The following DOP1B variants were observed in gnomAD, a reference collection of about 807,000 sequenced individuals.
DOP1B encodes protein DOP1B.
In DOP1B, 174 loss-of-function variants were observed where a neutral mutation model predicts 233.5. That is an observed-to-expected ratio of 0.75 (90% CI 0.66 to 0.85). DOP1B has a LOEUF of 0.85. Among genes scored for constraint, DOP1B ranks in the 40% least tolerant of loss-of-function variants. DOP1B has a pLI of 0.00. For synonymous variants in DOP1B, 1,190 were observed against 1,185.6 expected, an observed-to-expected ratio of 1.00 and a Z score of -0.08; for missense variants, 2,652 against 2,846.6, an observed-to-expected ratio of 0.93 and a Z score of 1.56.
intron 32 of DOP1B, among the ~76,000 whole-genome samples, chr21:36,286,104 C>T (rs775045532): frequency 2.0e-4 from 30 of 151,992 alleles, no homozygotes; most frequent in African/African-American, 6.0e-4. Context: ...GTTGCACCAT[C>T]GAGTAGCAGA....
chr21:36,282,067 A>G (rs932510705), intron 32 of DOP1B, among the ~76,000 whole-genome samples: 3 of 152,206 alleles, frequency 2.0e-5, no homozygotes, highest in African/African-American at 7.2e-5. Flanking sequence ...TGTTAAAACA[A>G]GTATTCTGCA....
intron 21 of DOP1B, among the ~76,000 whole-genome samples, chr21:36,249,427 C>G (rs2067008233): frequency 6.6e-6 from 1 of 152,128 alleles, no homozygotes; most frequent in Non-Finnish European, 1.5e-5. Context: ...GACCCTGTCT[C>G]AAAAACAATA....
chr21:36,193,847 G>A (rs1035674320), intron 2 of DOP1B, among the ~76,000 whole-genome samples: 1 of 152,130 alleles, frequency 6.6e-6, no homozygotes, highest in African/African-American at 2.4e-5. Flanking sequence ...ACAAAGAGTG[G>A]AGTCTCCATC....
intron 2 of DOP1B, among the ~76,000 whole-genome samples, chr21:36,187,989 A>G (rs1272135959): frequency 6.6e-6 from 1 of 152,174 alleles, no homozygotes; most frequent in Non-Finnish European, 1.5e-5. Flanking sequence ...GCAGCATGGT[A>G]ATTTTAAGAA....
At chr21:36,251,636 G>C (rs1299864391) in intron 22 of DOP1B, among the ~76,000 whole-genome samples, 1 of 152,112 alleles carries the variant, frequency 6.6e-6, no homozygotes, top group African/African-American at 2.4e-5. Flanking sequence ...GGCCAGGCTG[G>C]TCTTGAACTC....
intron 6 of DOP1B, 48 bp from the exon 7 acceptor site, chr21:36,211,926 A>G (rs1472412180): frequency 3.1e-6 from 5 of 1,612,972 alleles, no homozygotes; most frequent in African/African-American, 2.7e-5. Context: ...AAAGTCAGCA[A>G]TCTGCCCTAT....
At chr21:36,185,708 G>A (rs759934941) in intron 2 of DOP1B, among the ~76,000 whole-genome samples, 1 of 152,196 alleles carries the variant, frequency 6.6e-6, no homozygotes, top group Non-Finnish European at 1.5e-5. Flanking sequence ...AATGCGGAAG[G>A]TACTGTACAG....
intron 30 of DOP1B, 141 bp downstream of exon 30, chr21:36,278,496 G>C (rs948333239): frequency 1.2e-6 from 1 of 805,778 alleles, no homozygotes; most frequent in African/African-American, 1.7e-5. Context: ...TCACAGGCTC[G>C]CATGTTGACC....
chr21:36,168,106 G>A (rs1398997023), intron 2 of DOP1B, among the ~76,000 whole-genome samples: 1 of 151,354 alleles, frequency 6.6e-6, no homozygotes, highest in Non-Finnish European at 1.5e-5. Flanking sequence ...ACCACACCCG[G>A]CTAATTTTTG....
In DOP1B at chr21:36,292,381, G is replaced by A. The variant is rs986013051; in HGVS notation, c.6645+148G>A. 74 of 619,150 alleles carry A rather than the reference G, an allele frequency of 1.2e-4. 1 individual carries two copies. Among genetic ancestry groups the A allele is most frequent in the South Asian group, 6.6e-5 (3 of 45,194 alleles). 38.4% of individuals were successfully genotyped at this position (619,150 alleles called of 1,614,324 possible). On this transcript the variant is annotated intron_variant, in intron 36 of 36. Transcript: ENST00000691173. ...AAGTGATTCTCCTGCCTCAGCTTCCGGAGTAGCTGGGATTACAGGAATGTG... is the reference window on the plus strand; with the variant it reads ...AAGTGATTCTCCTGCCTCAGCTTCCAGAGTAGCTGGGATTACAGGAATGTG...
rs1159600726 is a variant in DOP1B at position 36,163,335 on chromosome 21, A to ACTC, written c.-26-1372_-26-1370dup. Among the ~76,000 whole-genome samples, 3 of 111,430 alleles carry ACTC rather than the reference A, an allele frequency of 2.7e-5. No homozygotes were observed. In the South Asian group the frequency reaches 1.0e-3, roughly 38 times the overall value. 73.1% of individuals were successfully genotyped at this position (111,430 alleles called of 152,430 possible). Reference sequence around the variant, plus strand: ...CTCCAGCTTGGTCAACAAGAGTGAGACTCTGTCTCAAAAAAAAAAAAAAAG... The same window carrying ACTC: ...CTCCAGCTTGGTCAACAAGAGTGAGACTCCTCTGTCTCAAAAAAAAAAAAAAAG... On this transcript the variant is annotated intron_variant, in intron 1 of 36. Coordinates refer to ENST00000691173, the MANE Select transcript of DOP1B (RefSeq NM_001320714.2).
At chr21:36,172,822 A>G (rs2065985241) in intron 2 of DOP1B, among the ~76,000 whole-genome samples, 1 of 152,142 alleles carries the variant, frequency 6.6e-6, no homozygotes, top group Non-Finnish European at 1.5e-5. Context: ...TTCAGTGAGT[A>G]AGAGTTGAGA....
At chr21:36,268,009 C>G (rs2067249823) in intron 26 of DOP1B, among the ~76,000 whole-genome samples, 1 of 152,122 alleles carries the variant, frequency 6.6e-6, no homozygotes, top group Non-Finnish European at 1.5e-5. Flanking sequence ...TGATAAGGGT[C>G]TATGTTCAGC....
At chr21:36,168,235 C>T (rs1278628728) in intron 2 of DOP1B, among the ~76,000 whole-genome samples, 8 of 152,018 alleles carry the variant, frequency 5.3e-5, no homozygotes, top group East Asian at 3.9e-4. Context: ...TGAGCCACCG[C>T]GCCGAGCCAC....
chr21:36,225,509 G>A (rs756943716), intron 11 of DOP1B, 56 bp from the exon 12 acceptor site: 46 of 1,593,320 alleles, frequency 2.9e-5, no homozygotes, highest in Middle Eastern at 1.7e-4. Flanking sequence ...AAGATTATAG[G>A]TGTGAGCCTC....
intron 2 of DOP1B, among the ~76,000 whole-genome samples, chr21:36,192,380 T>G (rs1319975780): frequency 3.4e-5 from 5 of 148,248 alleles, no homozygotes. Context: ...TACCAAAAAC[T>G]AATTTTCATT....
intron 9 of DOP1B, among the ~76,000 whole-genome samples, 190 bp from the exon 10 acceptor site, chr21:36,219,182 T>C (rs2066596076): frequency 6.6e-6 from 1 of 152,238 alleles, no homozygotes; most frequent in Admixed American, 6.5e-5. Context: ...AAATGTTGGC[T>C]ATTTTCATGA....
chr21:36,255,946 G>A (rs1477015859), intron 23 of DOP1B, among the ~76,000 whole-genome samples: 1 of 152,116 alleles, frequency 6.6e-6, no homozygotes, highest in African/African-American at 2.4e-5. Flanking sequence ...ATTATACACG[G>A]TGGATTTAAA....
rs58000385 is a variant in DOP1B at position 36,268,183 on chromosome 21, C to T, written c.5488-1830C>T. Among the ~76,000 whole-genome samples the T allele has an allele frequency of 5.4e-4, 82 of 152,192 alleles. No individual in the cohort carries two copies. In the East Asian group the frequency reaches 7.1e-3, roughly 13 times the overall value. ...GGCGTATCTCAGTCCTTATCTCAAC[C>T]GCATAAGACAGACATTCCCACAGTG... is the stretch of plus-strand genomic sequence containing the variant. On this transcript the variant is annotated intron_variant, in intron 26 of 36. Coordinates refer to ENST00000691173, the MANE Select transcript of DOP1B (RefSeq NM_001320714.2).
Sources: gnomAD v4.1 joint callset for allele counts (sites outside exome capture counted in the v4.1 genomes callset) on GRCh38, gnomAD v4.1.1 for gene constraint, MANE v1.5 for transcripts, NCBI Gene and HGNC (gene_info 2026-07-23, HGNC 2026-07-21) for gene names.